OOSP1: variants seen among roughly 807,000 people sequenced by gnomAD.
OOSP1 encodes oocyte secreted protein 1, also known as putative oocyte-secreted protein 1 homolog.
Under a neutral mutation model 5.7 loss-of-function variants are expected in OOSP1, and 11 were observed. The ratio of observed to expected loss-of-function variants is 1.94; its 90% CI spans 1.22 to 3.20. OOSP1 has a LOEUF of 3.20. Among genes scored for constraint, OOSP1 ranks in the 30% most tolerant of loss-of-function variants. The pLI, the probability that OOSP1 is intolerant of heterozygous loss-of-function variation, is 0.00. For synonymous variants in OOSP1, 44 were observed against 20.0 expected (o/e 2.20, Z -3.20); for missense variants, 83 against 54.1 (o/e 1.53, Z -1.67).
intron 3 of OOSP1, 106 bp downstream of exon 3, chr11:59,945,372 T>G (rs1161975171): frequency 4.3e-6 from 3 of 699,048 alleles, no homozygotes; most frequent in Non-Finnish European, 7.8e-6. Flanking sequence ...TGATGGGAGT[T>G]GGGGAGACAC....
chr11:59,953,347 CTTCTGT>C (rs1853959676), intron 4 of OOSP1, among the ~76,000 whole-genome samples: 2 of 152,086 alleles, frequency 1.3e-5, no homozygotes, highest in Admixed American at 1.3e-4. Context: ...TGCTGCCTTG[CTTCTGT>C]TTCTAAGATT....
chr11:59,944,778 T>C (rs921305992), intron 2 of OOSP1, among the ~76,000 whole-genome samples: 1 of 152,204 alleles, frequency 6.6e-6, no homozygotes, highest in African/African-American at 2.4e-5. Context: ...TTCCAAGGAT[T>C]CATGATGAAT....
At chr11:59,955,333 A>G (rs1442764466) in intron 4 of OOSP1, among the ~76,000 whole-genome samples, 1 of 152,084 alleles carries the variant, frequency 6.6e-6, no homozygotes, top group Non-Finnish European at 1.5e-5. Flanking sequence ...AATTTTTCAT[A>G]TCTTTATGGT....
At chr11:59,950,425 G>A (rs1341602717) in intron 4 of OOSP1, among the ~76,000 whole-genome samples, 6 of 152,158 alleles carry the variant, frequency 3.9e-5, no homozygotes, top group Non-Finnish European at 7.4e-5. Context: ...AAGAAGTAAG[G>A]AAAATGAAGA....
chr11:59,949,620 C>T (rs978492912), intron 4 of OOSP1, among the ~76,000 whole-genome samples: 3 of 152,048 alleles, frequency 2.0e-5, no homozygotes, highest in Non-Finnish European at 2.9e-5. Flanking sequence ...ACAACTGAAA[C>T]ATCTAAAACA....
chr11:59,954,592 T>C (rs1853974671), intron 4 of OOSP1, among the ~76,000 whole-genome samples: 1 of 152,096 alleles, frequency 6.6e-6, no homozygotes, highest in Admixed American at 6.6e-5. Context: ...ATTGTAGAAG[T>C]TCAGTCCATT....
intron 4 of OOSP1, among the ~76,000 whole-genome samples, chr11:59,955,993 G>A (rs757087302): frequency 3.3e-5 from 5 of 152,034 alleles, no homozygotes; most frequent in East Asian, 3.9e-4. Flanking sequence ...AACAAAGTAC[G>A]TGGAGCTGTG....
At chr11:59,939,989 C>G (rs1246578740) in intron 1 of OOSP1, among the ~76,000 whole-genome samples, 1 of 152,218 alleles carries the variant, frequency 6.6e-6, no homozygotes, top group Admixed American at 6.5e-5. Context: ...ATCCTCCCAC[C>G]TTGGCTTCCC....
chr11:59,950,948 T>G (rs1349654310), intron 4 of OOSP1, among the ~76,000 whole-genome samples: 1 of 152,050 alleles, frequency 6.6e-6, no homozygotes, highest in Non-Finnish European at 1.5e-5. Flanking sequence ...ATCCAGATGT[T>G]TAAGAAATGA....
At chr11:59,947,591 G>A (rs191631652) in intron 3 of OOSP1, 142 bp from the exon 4 acceptor site, 47 of 391,886 alleles carry the variant, frequency 1.2e-4, no homozygotes, top group African/African-American at 8.4e-4. Context: ...GGGGTGGGGT[G>A]TGTTGGGGAG....
At chr11:59,940,703 G>T (rs972214682) in intron 1 of OOSP1, among the ~76,000 whole-genome samples, 1 of 152,098 alleles carries the variant, frequency 6.6e-6, no homozygotes, top group Admixed American at 6.5e-5. Context: ...TCTAGGAATG[G>T]GACTGTGAGG....
intron 3 of OOSP1, 91 bp downstream of exon 3, chr11:59,945,357 A>G: frequency 1.4e-6 from 1 of 700,772 alleles, no homozygotes; most frequent in Non-Finnish European, 2.6e-6. Context: ...AAATGGTACA[A>G]CCAGTGATGG....
intron 4 of OOSP1, among the ~76,000 whole-genome samples, chr11:59,956,200 C>T (rs1040644487): frequency 6.9e-6 from 1 of 145,846 alleles, no homozygotes; most frequent in Non-Finnish European, 1.5e-5. Context: ...TCTTCTTCTT[C>T]TTTTTTTTTT....
intron 3 of OOSP1, chr11:59,945,484 G>A (rs560999369): frequency 2.2e-5 from 13 of 586,454 alleles, no homozygotes; most frequent in Admixed American, 1.6e-4. Context: ...GCTCACACCT[G>A]TAATCCCAGC....
chr11:59,938,793 C>G (rs1438438650), intron 1 of OOSP1, among the ~76,000 whole-genome samples: 1 of 152,102 alleles, frequency 6.6e-6, no homozygotes, highest in East Asian at 1.9e-4. Flanking sequence ...CATATCAATT[C>G]TTGGGGATCA....
At chr11:59,942,762 A>T (rs1228440453) in intron 1 of OOSP1, 85 bp from the exon 2 acceptor site, 1 of 615,990 alleles carries the variant, frequency 1.6e-6, no homozygotes, top group Non-Finnish European at 2.9e-6. Flanking sequence ...TGATCTCTTC[A>T]TTTGTATTAA....
At chr11:59,946,945 ATCT>A (rs1236246089) in intron 3 of OOSP1, among the ~76,000 whole-genome samples, 2 of 150,594 alleles carry the variant, frequency 1.3e-5, no homozygotes, top group African/African-American at 2.5e-5. Flanking sequence ...CTATCTATCT[ATCT>A]ATCTATCTAT....
chr11:59,941,462 C>T (rs539017519), intron 1 of OOSP1, among the ~76,000 whole-genome samples: 4 of 152,058 alleles, frequency 2.6e-5, no homozygotes, highest in African/African-American at 9.7e-5. Flanking sequence ...TCACTGCAAC[C>T]TCTGCCTCCC....
intron 1 of OOSP1, 78 bp downstream of exon 1, chr11:59,938,608 G>C: frequency 2.4e-6 from 1 of 424,692 alleles, no homozygotes; most frequent in Non-Finnish European, 4.2e-6. Context: ...TACAGTTGTG[G>C]TCTGGTTGAA....
Sources: allele counts gnomAD v4.1 joint callset (sites outside exome capture counted in the v4.1 genomes callset), GRCh38; gene constraint gnomAD v4.1.1; transcripts MANE v1.5; gene names NCBI Gene and HGNC (gene_info 2026-07-23, HGNC 2026-07-21).